TGFA: variants seen among roughly 807,000 people sequenced by gnomAD.
TGFA encodes the protein protransforming growth factor alpha.
TGFA carries 12 observed loss-of-function variants against 21.7 expected under a neutral mutation model. The observed-to-expected ratio is 0.55, with a 90% CI of 0.35 to 0.90. TGFA has a LOEUF of 0.90. Among genes scored for constraint, TGFA ranks in the 40% least tolerant of loss-of-function variants. The pLI is 0.01. For synonymous variants in TGFA, 79 were observed against 88.1 expected, an observed-to-expected ratio of 0.90 and a Z score of 0.58; for missense variants, 178 against 210.8, an observed-to-expected ratio of 0.84 and a Z score of 0.96.
chr2:70,507,982 C>A (rs1309989841), intron 2 of TGFA, among the ~76,000 whole-genome samples: 1 of 152,202 alleles, frequency 6.6e-6, no homozygotes, highest in Non-Finnish European at 1.5e-5. Context: ...TGTTGCCAAA[C>A]CTGTTTATGT....
At chr2:70,536,674 A>C (rs1553504438) in intron 1 of TGFA, among the ~76,000 whole-genome samples, 1 of 152,254 alleles carries the variant, frequency 6.6e-6, no homozygotes, top group African/African-American at 2.4e-5. Flanking sequence ...CAACTTATCA[A>C]AATGTGTGGG....
chr2:70,521,197 C>A (rs540020614), intron 1 of TGFA, among the ~76,000 whole-genome samples: 1 of 152,248 alleles, frequency 6.6e-6, no homozygotes, highest in East Asian at 1.9e-4. Context: ...CTCACAGAAC[C>A]CAGCGCAGAG....
chr2:70,518,459 T>C (rs1672353928), intron 1 of TGFA, among the ~76,000 whole-genome samples: 1 of 152,118 alleles, frequency 6.6e-6, no homozygotes, highest in African/African-American at 2.4e-5. Context: ...GGTACTCAGG[T>C]AAATGTTCCC....
chr2:70,472,000 C>G (rs1215127027), intron 2 of TGFA, among the ~76,000 whole-genome samples: 1 of 152,098 alleles, frequency 6.6e-6, no homozygotes, highest in Non-Finnish European at 1.5e-5. Flanking sequence ...TCCTGCTTTT[C>G]TCTCTCTCCC....
chr2:70,477,540 C>A (rs563946218), intron 2 of TGFA, among the ~76,000 whole-genome samples: 44 of 152,252 alleles, frequency 2.9e-4, no homozygotes, highest in African/African-American at 1.1e-3. Flanking sequence ...TCCTTTTTCT[C>A]CTGAGAATAG....
intron 2 of TGFA, among the ~76,000 whole-genome samples, chr2:70,500,214 G>A (rs1484733254): frequency 6.6e-6 from 1 of 152,128 alleles, no homozygotes; most frequent in African/African-American, 2.4e-5. Context: ...GAGGCTTCTC[G>A]GGATATCCTC....
intron 1 of TGFA, among the ~76,000 whole-genome samples, chr2:70,529,480 G>C (rs1172649712): frequency 6.6e-6 from 1 of 152,128 alleles, no homozygotes; most frequent in Non-Finnish European, 1.5e-5. Flanking sequence ...AGTCATCATG[G>C]ATGTCTTTTC....
chr2:70,473,594 G>A (rs535380190), intron 2 of TGFA, among the ~76,000 whole-genome samples: 2 of 151,906 alleles, frequency 1.3e-5, no homozygotes, highest in Admixed American at 6.6e-5. Context: ...GCAGAGTTAC[G>A]GAAAGGGAAT....
rs782804657 is a variant in TGFA, at chr2:70,451,779, A to C, written c.476-913T>G. The C allele has an allele frequency of 2.0e-5, 14 of 701,412 alleles. No homozygotes were observed. In the African/African-American group the frequency reaches 2.5e-4, roughly 12 times the overall value. 43.4% of individuals were successfully genotyped at this position (701,412 alleles called of 1,614,324 possible). On this transcript the variant is annotated intron_variant, in intron 5 of 5. Transcript: ENST00000295400. ...AAGGTAGCTGAAAGGAGATGTTGAG[A>C]GGGGGCTTTAGAGGCCCTGGTTCTC...
intron 2 of TGFA, among the ~76,000 whole-genome samples, chr2:70,508,092 A>C (rs528906974): frequency 6.6e-6 from 1 of 152,242 alleles, no homozygotes; most frequent in Non-Finnish European, 1.5e-5. Context: ...CTATAAGTAG[A>C]GAGTTTTGGA....
chr2:70,467,796 A>T (rs563066751), intron 2 of TGFA: 3 of 152,264 alleles, frequency 2.0e-5, no homozygotes, highest in Non-Finnish European at 2.9e-5. Flanking sequence ...TGCTTCTAGA[A>T]GTGTCATCAT....
chr2:70,514,772 C>G, intron 2 of TGFA, 87 bp downstream of exon 2: 1 of 1,418,782 alleles, frequency 7.0e-7, no homozygotes, highest in Non-Finnish European at 9.8e-7. Flanking sequence ...GGCAGGAGGC[C>G]AGGGAGGGAG....
chr2:70,458,758 G>A (rs1408080203), intron 3 of TGFA, among the ~76,000 whole-genome samples: 2 of 151,972 alleles, frequency 1.3e-5, no homozygotes, highest in East Asian at 3.9e-4. Context: ...AGCTCACTTG[G>A]ATCTCCCTAA....
intron 2 of TGFA, among the ~76,000 whole-genome samples, chr2:70,480,435 C>A (rs1553495245): frequency 1.3e-5 from 2 of 152,172 alleles, no homozygotes; most frequent in African/African-American, 4.8e-5. Context: ...TTCTTCAGAG[C>A]TTCTAGTACT....
intron 1 of TGFA, among the ~76,000 whole-genome samples, chr2:70,523,875 C>A (rs1672552614): frequency 6.6e-6 from 1 of 152,178 alleles, no homozygotes; most frequent in Admixed American, 6.5e-5. Context: ...ACAGAAGTAA[C>A]CTAGTTGTTA....
intron 2 of TGFA, among the ~76,000 whole-genome samples, chr2:70,487,087 GA>G (rs1280767843): frequency 6.6e-6 from 1 of 152,168 alleles, no homozygotes; most frequent in Non-Finnish European, 1.5e-5. Context: ...AATCACTTTT[GA>G]AATTGCAAAA....
At chr2:70,542,946 T>C (rs1463086589) in intron 1 of TGFA, among the ~76,000 whole-genome samples, 1 of 150,542 alleles carries the variant, frequency 6.6e-6, no homozygotes, top group African/African-American at 2.4e-5. Context: ...CTACTAAAAA[T>C]ACAAAAATTA....
At chr2:70,547,791 T>C (rs1443769261) in intron 1 of TGFA, among the ~76,000 whole-genome samples, 4 of 147,900 alleles carry the variant, frequency 2.7e-5, no homozygotes, top group African/African-American at 7.4e-5. Context: ...TATAGTATAC[T>C]ATCTATACAA....
intron 2 of TGFA, among the ~76,000 whole-genome samples, chr2:70,501,724 A>G (rs1553499187): frequency 6.6e-6 from 1 of 152,170 alleles, no homozygotes; most frequent in African/African-American, 2.4e-5. Context: ...ATTATTTTCC[A>G]TCTTTATACA....
Sources: gnomAD v4.1 joint callset for allele counts (sites outside exome capture counted in the v4.1 genomes callset) on GRCh38, gnomAD v4.1.1 for gene constraint, MANE v1.5 for transcripts, NCBI Gene and HGNC (gene_info 2026-07-23, HGNC 2026-07-21) for gene names.